The following PRKN variants were observed in gnomAD, a reference collection of about 807,000 sequenced individuals.
PRKN encodes the protein parkin RBR E3 ubiquitin protein ligase, also known as E3 ubiquitin-protein ligase parkin.
In PRKN, 56 loss-of-function variants were observed where a neutral mutation model predicts 59.5. That is an observed-to-expected ratio of 0.94 (90% confidence interval 0.76 to 1.18). PRKN has a LOEUF of 1.18. PRKN is among the 50% of genes most tolerant of loss of function. The pLI is 0.00. For synonymous variants in PRKN, 250 were observed against 222.1 expected, an observed-to-expected ratio of 1.13 and a Z score of -1.12; for missense variants, 657 against 596.4, an observed-to-expected ratio of 1.10 and a Z score of -1.06.
At chr6:162,384,887 T>C (rs540244152) in intron 2 of PRKN, among the ~76,000 whole-genome samples, 82 of 152,222 alleles carry the variant, frequency 5.4e-4, no homozygotes, top group Non-Finnish European at 9.6e-4. Context: ...AGAGGCAGCA[T>C]TACATTAGCT....
At chr6:161,900,126 A>C (rs929833188) in intron 6 of PRKN, among the ~76,000 whole-genome samples, 1 of 151,878 alleles carries the variant, frequency 6.6e-6, no homozygotes, top group African/African-American at 2.4e-5. Flanking sequence ...TAATAAAATA[A>C]AATAAAATAA....
chr6:161,595,365 AG>A (rs1169659093), intron 7 of PRKN, among the ~76,000 whole-genome samples: 2 of 152,200 alleles, frequency 1.3e-5, no homozygotes, highest in Non-Finnish European at 2.9e-5. Context: ...GACAAGAGGC[AG>A]GGGAGCTATG....
At chr6:161,569,821 T>C (rs1780802292) in intron 7 of PRKN, among the ~76,000 whole-genome samples, 1 of 152,096 alleles carries the variant, frequency 6.6e-6, no homozygotes. Flanking sequence ...CATGTCCTGT[T>C]TGCTCACCAT....
chr6:162,092,518 T>C (rs9346900), intron 4 of PRKN, among the ~76,000 whole-genome samples: 1 of 152,016 alleles, frequency 6.6e-6, no homozygotes, highest in Non-Finnish European at 1.5e-5. Flanking sequence ...TGCTAATCTA[T>C]TAATTGCATG....
chr6:161,902,298 A>T (rs1190048365), intron 6 of PRKN, among the ~76,000 whole-genome samples: 1 of 152,140 alleles, frequency 6.6e-6, no homozygotes, highest in Non-Finnish European at 1.5e-5. Context: ...GCAGAGGCTC[A>T]GAAGAGACTG....
At chr6:161,928,275 GA>G (rs1779039112) in intron 6 of PRKN, among the ~76,000 whole-genome samples, 1 of 152,158 alleles carries the variant, frequency 6.6e-6, no homozygotes, top group African/African-American at 2.4e-5. Context: ...ATGGCAGCCT[GA>G]ATGGATAATG....
chr6:161,495,976 T>C (rs1484106585), intron 9 of PRKN, among the ~76,000 whole-genome samples: 3 of 152,232 alleles, frequency 2.0e-5, no homozygotes, highest in Non-Finnish European at 2.9e-5. Flanking sequence ...GGTTATTTAA[T>C]GTTGGTGTTC....
intron 6 of PRKN, among the ~76,000 whole-genome samples, chr6:161,841,323 A>G (rs1261727797): frequency 6.7e-6 from 1 of 150,084 alleles, no homozygotes. Context: ...TCCTCTTCCT[A>G]TCTGCCATGA....
intron 5 of PRKN, among the ~76,000 whole-genome samples, chr6:162,001,205 G>T (rs1782041477): frequency 1.3e-5 from 2 of 151,872 alleles, no homozygotes. Context: ...TTTTTATTGT[G>T]ATTGCATTGA....
At chr6:161,985,588 T>C (rs1261420562) in intron 5 of PRKN, among the ~76,000 whole-genome samples, 1 of 152,234 alleles carries the variant, frequency 6.6e-6, no homozygotes, top group Non-Finnish European at 1.5e-5. Flanking sequence ...AGGGAGTCTC[T>C]AGAAGACAGT....
chr6:162,702,057 C>A (rs2128236957), intron 1 of PRKN, among the ~76,000 whole-genome samples: 1 of 152,094 alleles, frequency 6.6e-6, no homozygotes, highest in South Asian at 2.1e-4. Context: ...TAAACATCTC[C>A]TTTAAATTGA....
At chr6:161,961,807 T>TA (rs140960166) in intron 6 of PRKN, among the ~76,000 whole-genome samples, 8,370 of 152,222 alleles carry the variant, frequency 0.055, 342 homozygotes, top group Middle Eastern at 0.1. Flanking sequence ...ACCTTATCTT[T>TA]GATGGTAGAA....
intron 2 of PRKN, among the ~76,000 whole-genome samples, chr6:162,289,968 T>G (rs1350398556): frequency 1.3e-5 from 2 of 152,204 alleles, no homozygotes; most frequent in Non-Finnish European, 2.9e-5. Flanking sequence ...GATTTTTTTC[T>G]TTCCTTCTGA....
chr6:162,473,227 GA>G (rs1791844917), intron 1 of PRKN, among the ~76,000 whole-genome samples: 1 of 152,132 alleles, frequency 6.6e-6, no homozygotes, highest in African/African-American at 2.4e-5. Flanking sequence ...TTCAAGTATG[GA>G]AGCACCATGA....
intron 4 of PRKN, among the ~76,000 whole-genome samples, chr6:162,170,942 A>G (rs1783243154): frequency 6.6e-6 from 1 of 152,246 alleles, no homozygotes; most frequent in Non-Finnish European, 1.5e-5. Context: ...TAAGAATTAC[A>G]TATGAAAATA....
At chr6:162,131,451 T>C (rs1781353156) in intron 4 of PRKN, among the ~76,000 whole-genome samples, 1 of 152,242 alleles carries the variant, frequency 6.6e-6, no homozygotes, top group Non-Finnish European at 1.5e-5. Flanking sequence ...ACATTTGTTA[T>C]CTTAGTTTAT....
intron 1 of PRKN, among the ~76,000 whole-genome samples, chr6:162,511,293 A>C (rs1350071137): frequency 6.6e-6 from 1 of 152,110 alleles, no homozygotes. Flanking sequence ...ATTAGCTCAA[A>C]TTGAAATGGC....
chr6:161,379,457 T>C lies in PRKN; in HGVS notation c.1167+7337A>G, dbSNP rs1349582849. Among the ~76,000 whole-genome samples, 5 of 152,182 alleles carry C rather than the reference T, an allele frequency of 3.3e-5. No individual in the cohort carries two copies. In the East Asian group the frequency reaches 9.7e-4, roughly 29 times the overall value. ...GTCTCTCTCATTCCACAAGCAAATG[T>C]CTCCAGGCAGTGCAAGGGGCAGACG... On this transcript the variant is annotated intron_variant, in intron 10 of 11. Coordinates refer to ENST00000366898, the MANE Select transcript of PRKN (RefSeq NM_004562.3). This position sits in a 1 kb window ranked among gnomAD's most constrained non-coding sequence, Gnocchi z 4.9.
intron 1 of PRKN, among the ~76,000 whole-genome samples, chr6:162,609,626 C>T (rs1204145904): frequency 6.6e-6 from 1 of 152,216 alleles, no homozygotes; most frequent in South Asian, 2.1e-4. Context: ...AACATTTTAG[C>T]CAAGCTTCAA....
Sources: gnomAD v4.1 joint callset for allele counts (sites outside exome capture counted in the v4.1 genomes callset) on GRCh38, gnomAD v4.1.1 for gene constraint, Gnocchi (gnomAD v3.1) non-coding constraint, MANE v1.5 for transcripts, NCBI Gene and HGNC (gene_info 2026-07-23, HGNC 2026-07-21) for gene names.